GRM1: variants seen among roughly 807,000 people sequenced by gnomAD.
The protein encoded by GRM1 is glutamate metabotropic receptor 1.
In GRM1, 33 loss-of-function variants were observed where a neutral mutation model predicts 90.9. That is an observed-to-expected ratio of 0.36 (90% CI 0.28 to 0.49). The LOEUF (loss-of-function observed/expected upper bound fraction) is 0.49, where lower values mean the gene tolerates loss of function less well. GRM1 is among the 20% of genes least tolerant of loss of function. GRM1 has a pLI of 0.99. For synonymous variants in GRM1, 700 were observed against 613.2 expected, an observed-to-expected ratio of 1.14 and a Z score of -2.09; for missense variants, 1,190 against 1,534.3, an observed-to-expected ratio of 0.78 and a Z score of 3.75.
chr6:146,073,039 C>A (rs1241395850), intron 1 of GRM1, among the ~76,000 whole-genome samples: 1 of 152,072 alleles, frequency 6.6e-6, no homozygotes, highest in Non-Finnish European at 1.5e-5. Context: ...ACTTTCCCAG[C>A]TTCTACTCTA....
At chr6:146,270,849 T>TTCTCTTTCTTTC (rs1275422494) in intron 2 of GRM1, among the ~76,000 whole-genome samples, 9 of 91,750 alleles carry the variant, frequency 9.8e-5, no homozygotes, top group South Asian at 3.6e-4. Context: ...CTTTCTTTCT[T>TTCTCTTTCTTTC]TTTCTTTCTT....
intron 6 of GRM1, among the ~76,000 whole-genome samples, chr6:146,396,653 C>T (rs1416912387): frequency 6.6e-6 from 1 of 151,656 alleles, no homozygotes; most frequent in African/African-American, 2.4e-5. Flanking sequence ...AACACACAAA[C>T]AAAAAAGACC....
chr6:146,132,247 G>A (rs1267513904), intron 1 of GRM1, among the ~76,000 whole-genome samples: 1 of 152,126 alleles, frequency 6.6e-6, no homozygotes, highest in Admixed American at 6.6e-5. Context: ...TGATTTCTAG[G>A]TTGAGAATGG....
chr6:146,379,061 C>T (rs978756897), intron 5 of GRM1, among the ~76,000 whole-genome samples: 11 of 152,236 alleles, frequency 7.2e-5, no homozygotes, highest in African/African-American at 2.6e-4. Flanking sequence ...TCTTTATTGG[C>T]AGCATGAGAA....
chr6:146,188,482 C>T (rs1778818512), intron 2 of GRM1, among the ~76,000 whole-genome samples: 1 of 152,104 alleles, frequency 6.6e-6, no homozygotes, highest in Non-Finnish European at 1.5e-5. Flanking sequence ...AAATATTGTA[C>T]CTTCCCTTGC....
chr6:146,285,281 G>T (rs1782717307), intron 2 of GRM1, among the ~76,000 whole-genome samples: 1 of 152,090 alleles, frequency 6.6e-6, no homozygotes, highest in African/African-American at 2.4e-5. Flanking sequence ...TCCACCTGTT[G>T]CTTGAGTCAG....
chr6:146,338,993 G>T (rs1405884281), intron 3 of GRM1, among the ~76,000 whole-genome samples: 2 of 152,022 alleles, frequency 1.3e-5, no homozygotes, highest in South Asian at 2.1e-4. Flanking sequence ...TTAAATCCTT[G>T]TCCTTATAGT....
At chr6:146,312,258 G>A (rs1371007069) in intron 3 of GRM1, among the ~76,000 whole-genome samples, 2 of 145,152 alleles carry the variant, frequency 1.4e-5, no homozygotes, top group Non-Finnish European at 3.0e-5. Context: ...GGAGAATGGC[G>A]TGAACCCAGG....
At chr6:146,270,471 T>G (rs914277632) in intron 2 of GRM1, among the ~76,000 whole-genome samples, 1 of 152,148 alleles carries the variant, frequency 6.6e-6, no homozygotes, top group Non-Finnish European at 1.5e-5. Flanking sequence ...TTTTTCTCCC[T>G]AGTTAATGTT....
At chr6:146,118,503 A>G (rs934828507) in intron 1 of GRM1, among the ~76,000 whole-genome samples, 2 of 152,198 alleles carry the variant, frequency 1.3e-5, no homozygotes, top group African/African-American at 2.4e-5. Flanking sequence ...GTTGTTACAT[A>G]CGTATATATG....
At chr6:146,204,373 A>C (rs1350378046) in intron 2 of GRM1, among the ~76,000 whole-genome samples, 1 of 152,246 alleles carries the variant, frequency 6.6e-6, no homozygotes, top group Non-Finnish European at 1.5e-5. Flanking sequence ...ACACATAAGC[A>C]CAGAAAAATC....
intron 1 of GRM1, among the ~76,000 whole-genome samples, chr6:146,043,782 G>GAT (rs3064997): frequency 0.12 from 10,818 of 89,752 alleles, 696 homozygotes; most frequent in East Asian, 0.21. Context: ...AGAGTCAGGT[G>GAT]ATATATATAT....
intron 2 of GRM1, among the ~76,000 whole-genome samples, chr6:146,276,877 G>C (rs1162697958): frequency 1.3e-5 from 2 of 152,030 alleles, no homozygotes; most frequent in Non-Finnish European, 2.9e-5. Flanking sequence ...GAAGTGAAAG[G>C]GTTCCTTGAG....
intron 1 of GRM1, among the ~76,000 whole-genome samples, chr6:146,043,306 T>A (rs937854763): frequency 6.6e-6 from 1 of 151,824 alleles, no homozygotes; most frequent in Non-Finnish European, 1.5e-5. Context: ...TAAAAAAAAT[T>A]AGGTTTCCAG....
intron 1 of GRM1, among the ~76,000 whole-genome samples, chr6:146,066,911 C>T (rs1021139075): frequency 6.6e-6 from 1 of 151,988 alleles, no homozygotes; most frequent in Non-Finnish European, 1.5e-5. Flanking sequence ...TTGTATGATA[C>T]TCAATCTTCC....
At chr6:146,071,669 A>G (rs1776020985) in intron 1 of GRM1, among the ~76,000 whole-genome samples, 1 of 152,136 alleles carries the variant, frequency 6.6e-6, no homozygotes, top group Non-Finnish European at 1.5e-5. Flanking sequence ...TGTTTTTGAG[A>G]TCCACACTTA....
intron 1 of GRM1, among the ~76,000 whole-genome samples, chr6:146,043,894 G>GT (rs201347843): frequency 8.1e-5 from 12 of 149,044 alleles, no homozygotes; most frequent in Middle Eastern, 3.5e-3. Context: ...CAGGTGGAAA[G>GT]TTTTTTTTTA....
At chr6:146,154,178 C>CT (rs1777438471) in intron 1 of GRM1, among the ~76,000 whole-genome samples, 1 of 152,154 alleles carries the variant, frequency 6.6e-6, no homozygotes. Flanking sequence ...GGAGCAAAAT[C>CT]TTTTCTTTAT....
intron 3 of GRM1, among the ~76,000 whole-genome samples, chr6:146,326,386 T>C (rs1416239598): frequency 6.6e-6 from 1 of 152,030 alleles, no homozygotes; most frequent in East Asian, 1.9e-4. Flanking sequence ...GGGAGCTAAA[T>C]GATGAGAACA....
Sources: gnomAD v4.1 joint callset for allele counts (sites outside exome capture counted in the v4.1 genomes callset) on GRCh38, gnomAD v4.1.1 for gene constraint, MANE v1.5 for transcripts, NCBI Gene and HGNC (gene_info 2026-07-23, HGNC 2026-07-21) for gene names.